PIK3C2G: variants seen among roughly 807,000 people sequenced by gnomAD.
PIK3C2G encodes phosphatidylinositol 3-kinase C2 domain-containing subunit gamma.
A neutral mutation model predicts 181.1 loss-of-function variants in PIK3C2G; 168 were observed. That is an observed-to-expected ratio of 0.93 (90% CI 0.82 to 1.05). PIK3C2G has a LOEUF of 1.05. Among genes scored for constraint, PIK3C2G ranks in the 50% least tolerant of loss-of-function variants. The pLI is 0.00. For missense variants in PIK3C2G, 1,869 were observed against 1,732.8 expected (o/e 1.08, Z -1.40); for synonymous variants, 573 against 592.2 (o/e 0.97, Z 0.47).
At chr12:18,348,717 C>A (rs1010938832) in intron 11 of PIK3C2G, among the ~76,000 whole-genome samples, 5 of 152,074 alleles carry the variant, frequency 3.3e-5, no homozygotes, top group African/African-American at 1.2e-4. Flanking sequence ...GTAGATTTTC[C>A]TAGGGACCTA....
intron 19 of PIK3C2G, among the ~76,000 whole-genome samples, chr12:18,490,840 G>A (rs1224709096): frequency 1.3e-5 from 2 of 152,128 alleles, no homozygotes; most frequent in African/African-American, 4.8e-5. Flanking sequence ...ACAATTTAAA[G>A]GTGTTGTTTG....
chr12:18,722,219 T>TC, the PIK3C2G span, among the ~76,000 whole-genome samples: 11,311 of 151,898 alleles, frequency 0.074, 534 homozygotes, highest in Middle Eastern at 0.12. Context: ...CATCACCTTC[T>TC]TGCTCTATGT....
At chr12:18,530,010 T>G (rs1181204772) in intron 24 of PIK3C2G, among the ~76,000 whole-genome samples, 3 of 152,110 alleles carry the variant, frequency 2.0e-5, no homozygotes, top group African/African-American at 7.2e-5. Context: ...AACATGTCAC[T>G]AGTTTAAAAT....
intron 31 of PIK3C2G, among the ~76,000 whole-genome samples, chr12:18,611,060 A>G (rs1948305960): frequency 6.6e-6 from 1 of 152,092 alleles, no homozygotes; most frequent in Admixed American, 6.6e-5. Flanking sequence ...CATTTCATTC[A>G]CCAGATGAAT....
chr12:18,330,010 G>A (rs888761516), intron 8 of PIK3C2G, among the ~76,000 whole-genome samples: 78 of 151,772 alleles, frequency 5.1e-4, no homozygotes, highest in African/African-American at 1.8e-3. Flanking sequence ...AAACTTTTGC[G>A]GATATTTCCA....
At chr12:18,603,555 C>T (rs932064526) in intron 30 of PIK3C2G, among the ~76,000 whole-genome samples, 7 of 151,986 alleles carry the variant, frequency 4.6e-5, no homozygotes, top group Non-Finnish European at 1.0e-4. Flanking sequence ...AGTTCTTCTC[C>T]TGAGCACATT....
At chr12:18,437,450 A>G (rs1192406961) in intron 18 of PIK3C2G, among the ~76,000 whole-genome samples, 3 of 152,102 alleles carry the variant, frequency 2.0e-5, no homozygotes, top group African/African-American at 7.2e-5. Context: ...TTGACCAATG[A>G]AAAATGAACA....
intron 9 of PIK3C2G, among the ~76,000 whole-genome samples, chr12:18,340,526 A>C (rs1057195604): frequency 6.6e-6 from 1 of 152,140 alleles, no homozygotes; most frequent in African/African-American, 2.4e-5. Flanking sequence ...ATGTTAAGTC[A>C]GTATAACAAG....
chr12:18,353,007 A>G (rs552910175), intron 11 of PIK3C2G, among the ~76,000 whole-genome samples: 27 of 152,246 alleles, frequency 1.8e-4, no homozygotes, highest in Non-Finnish European at 3.2e-4. Context: ...AGCAACATTC[A>G]AGTAGGAAAA....
intron 22 of PIK3C2G, among the ~76,000 whole-genome samples, chr12:18,501,428 A>G (rs1037452240): frequency 6.6e-6 from 1 of 152,132 alleles, no homozygotes; most frequent in African/African-American, 2.4e-5. Flanking sequence ...TGATCTGATC[A>G]CCTCCCACCA....
chr12:18,326,985 ATTAC>A (rs1223861252), intron 8 of PIK3C2G, among the ~76,000 whole-genome samples: 1 of 152,058 alleles, frequency 6.6e-6, no homozygotes, highest in Non-Finnish European at 1.5e-5. Flanking sequence ...GTTTGATCTT[ATTAC>A]TTATGTATGA....
chr12:18,629,145 C>T (rs10841050), intron 31 of PIK3C2G, among the ~76,000 whole-genome samples: 10,214 of 152,248 alleles, frequency 0.067, 1,027 homozygotes, highest in African/African-American at 0.22. Flanking sequence ...GGTCACCATA[C>T]GATGCCTCTC....
At chr12:18,672,508 T>G in the PIK3C2G span, among the ~76,000 whole-genome samples, 4 of 152,094 alleles carry the variant, frequency 2.6e-5, no homozygotes, top group Admixed American at 6.5e-5. Flanking sequence ...TAAAAATAAA[T>G]TTGTGTTGTT....
intron 12 of PIK3C2G, among the ~76,000 whole-genome samples, chr12:18,366,736 G>A (rs1485906272): frequency 7.1e-6 from 1 of 140,790 alleles, no homozygotes; most frequent in Non-Finnish European, 1.6e-5. Flanking sequence ...CTGTTCCTTG[G>A]TTTAAAAAAA....
At chr12:18,407,509 G>A (rs1944605076) in intron 16 of PIK3C2G, among the ~76,000 whole-genome samples, 1 of 151,964 alleles carries the variant, frequency 6.6e-6, no homozygotes, top group Non-Finnish European at 1.5e-5. Context: ...ACTCACCTTA[G>A]ACACTTTGCT....
At chr12:18,384,093 A>C (rs1943019929) in intron 14 of PIK3C2G, among the ~76,000 whole-genome samples, 1 of 151,446 alleles carries the variant, frequency 6.6e-6, no homozygotes, top group South Asian at 2.1e-4. Context: ...ACGAGCTGGG[A>C]TTACAGGCGT....
chr12:18,705,815 G>A, the PIK3C2G span, among the ~76,000 whole-genome samples: 1 of 152,028 alleles, frequency 6.6e-6, no homozygotes, highest in Admixed American at 6.6e-5. Flanking sequence ...ACAACGAGCC[G>A]AGGTTGCGCC....
At chr12:18,245,912 C>T (rs1948034980), upstream of PIK3C2G, among the ~76,000 whole-genome samples, 1 of 152,062 alleles carries the variant, frequency 6.6e-6, no homozygotes, top group Non-Finnish European at 1.5e-5. Flanking sequence ...GTTACCATTG[C>T]CACTAGTCGA....
At position 18,590,232 on chromosome 12, in the gene PIK3C2G, A is replaced by G. The variant is rs559734368; in HGVS notation, c.4012-4262A>G. The stretch of plus-strand genomic sequence containing the variant: ...TATTTCAGGACACTTAGGATAAGTG[A>G]CATTGCCCATTAATTTCTAGTTGTA... On this transcript the variant is annotated intron_variant, in intron 29 of 32. Transcript: ENST00000538779. 2.6e-5 allele frequency among the ~76,000 whole-genome samples: 4 copies of G among 151,860 alleles called. No homozygotes were observed. The East Asian group carries it at 7.8e-4, about 29-fold the overall frequency.
Sources: gnomAD v4.1 joint callset for allele counts (sites outside exome capture counted in the v4.1 genomes callset) on GRCh38, gnomAD v4.1.1 for gene constraint, MANE v1.5 for transcripts, NCBI Gene and HGNC (gene_info 2026-07-23, HGNC 2026-07-21) for gene names.